The following ZBED1 variants were observed in gnomAD, a reference collection of about 807,000 sequenced individuals.
ZBED1 encodes E3 SUMO-protein ligase ZBED1.
A neutral mutation model predicts 49.7 loss-of-function variants in ZBED1; 19 were observed. The observed-to-expected ratio is 0.38, with a 90% CI of 0.27 to 0.56. The LOEUF (loss-of-function observed/expected upper bound fraction) is 0.56, where lower values mean the gene tolerates loss of function less well. Among genes scored for constraint, ZBED1 ranks in the 20% least tolerant of loss-of-function variants. The pLI is 0.70. For synonymous variants in ZBED1, 439 were observed against 440.3 expected (o/e 1.00, Z 0.04); for missense variants, 806 against 972.6 (o/e 0.83, Z 2.28).
In ZBED1 at chrX:2,500,920, C is replaced by A. The variant is rs779491299; in HGVS notation, c.-157G>T. On this transcript the variant is annotated 5_prime_UTR_variant, in exon 1 of 2. Transcript: ENST00000652001. ...GGGCCGCCCGCGCCGCAGACAATGG[C>A]GACATGGCTGCCCCGGCCGCGCCGC... The A allele has an allele frequency of 1.8e-6, 2 of 1,092,146 alleles. 1 individual carries two copies. The highest frequency in any genetic ancestry group is 7.9e-5 in the South Asian group (2 of 25,242). 67.7% of individuals were successfully genotyped at this position (1,092,146 alleles called of 1,614,324 possible).
At chrX:2,497,293 T>C (rs2045309192) in intron 1 of ZBED1, among the ~76,000 whole-genome samples, 1 of 152,122 alleles carries the variant, frequency 6.6e-6, no homozygotes, top group Admixed American at 6.6e-5. Flanking sequence ...CTCGGGAGGC[T>C]GAGGCAGGAG....
At position 2,488,924 on chromosome X, in the gene ZBED1, G is replaced by A; in HGVS notation, c.1796C>T (p.Pro599Leu). Residue 599 changes from proline to leucine, a missense_variant, in exon 2 of 2, where the codon CCC becomes CTC. Pro to Leu is a moderately conservative substitution (Grantham distance 98). This residue lies in a region of ZBED1 where 749 missense variants were observed against 861.3 expected (regional missense o/e 0.87). Coordinates refer to ENST00000652001, the MANE Select transcript of ZBED1 (RefSeq NM_001171136.2). ...CTTCTGCAGCACCTTGGGCAGCAGG[G>A]GGAAGAGGGCCAGGCGGTCTGACCA... Reference protein sequence around the residue: ...KWWSDRLALFPLLPKVLQKYW... With the variant: ...KWWSDRLALFLLLPKVLQKYW... The A allele has an allele frequency of 1.9e-6, 3 of 1,602,186 alleles. No homozygotes were observed. Among genetic ancestry groups the A allele is most frequent in the Middle Eastern group, 1.7e-4 (1 of 5,950 alleles).
chrX:2,489,204 C>A lies in ZBED1; in HGVS notation c.1516G>T (p.Asp506Tyr). 6.2e-7 allele frequency: 1 copy of A among 1,613,828 alleles called. No individual in the cohort carries two copies. The highest frequency in any genetic ancestry group is 8.5e-7 in the Non-Finnish European group (1 of 1,179,876). The change falls in exon 2 of 2, where the codon GAC (aspartate) becomes TAC (tyrosine). Residue 506 changes from aspartate (D) to tyrosine (Y), a missense_variant. Asp to Tyr is a radical substitution (Grantham distance 160). Around this residue, in one of 2 missense-constraint regions of ZBED1, gnomAD observed 749 missense variants for 861.3 expected, o/e 0.87. Coordinates refer to ENST00000652001, the MANE Select transcript of ZBED1 (RefSeq NM_001171136.2). ...CGGTAGCCGCCGTCTTTGACCTTGT[C>A]CAGCAGGCCCTTGGCCTCTTCCACC... ...RVVEEAKGLL[D>Y]KVKDGGYRPA...
Position 2,490,412 on chromosome X carries a change from T to G in ZBED1, c.308A>C (p.Gln103Pro). 1.2e-6 allele frequency: 2 copies of G among 1,613,952 alleles called. No individual in the cohort carries two copies. Among genetic ancestry groups the G allele is most frequent in the Admixed American group, 1.7e-5 (1 of 60,026 alleles). Residue 103 changes from glutamine to proline, a missense_variant, in exon 2 of 2, where the codon CAG (glutamine) becomes CCG (proline). Transcript: ENST00000652001. ...AFSKLKPESS[Q>P]QPGQDALAVK... ...GGCCAGCGCGTCCTGCCCGGGCTGC[T>G]GGGACGACTCGGGCTTCAGCTTGGA... is the stretch of plus-strand genomic sequence containing the variant.
chrX:2,490,706 C>G lies in ZBED1; in HGVS notation c.14G>C (p.Ser5Thr), dbSNP rs1271273641. Residue 5 changes from serine to threonine, a missense_variant, in exon 2 of 2, where the codon AGC becomes ACC. Physicochemically the swap from Ser to Thr is moderately conservative, Grantham distance 58 (BLOSUM62 1). Coordinates refer to ENST00000652001, the MANE Select transcript of ZBED1 (RefSeq NM_001171136.2). Reference sequence around the variant, plus strand: ...CAGGTCTGTCTGGGAGCTCTCCAGGCTTTTATTCTCCATTGCTTCTCCACC... The same window carrying G: ...CAGGTCTGTCTGGGAGCTCTCCAGGGTTTTATTCTCCATTGCTTCTCCACC... The part of the protein sequence containing the change: MENK[S>T]LESSQTDLKL... 2 of 1,613,112 alleles carry G rather than the reference C, an allele frequency of 1.2e-6. No homozygotes were observed. The highest frequency in any genetic ancestry group is 1.7e-6 in the Non-Finnish European group (2 of 1,179,388).
chrX:2,500,790 C>A, intron 1 of ZBED1, 27 bp downstream of exon 1: 1 of 1,079,464 alleles, frequency 9.3e-7, no homozygotes, highest in Non-Finnish European at 1.1e-6. Context: ...GTCCCCGGAG[C>A]CCTGACCCCT....
At chrX:2,490,971 C>T (rs763304705) in intron 1 of ZBED1, among the ~76,000 whole-genome samples, 199 bp from the exon 2 acceptor site, 1 of 152,034 alleles carries the variant, frequency 6.6e-6, no homozygotes, top group South Asian at 2.1e-4. Context: ...CTTTCTTCCA[C>T]GTTAATCCGA....
In ZBED1 at chrX:2,487,070, A is replaced by C. The variant is rs2044958471; in HGVS notation, c.*1565T>G. ...CACGTAGAATCCAAGCAATATGCTA[A>C]GCCTCCTGAAGTATTTTTCCTCCAG... On this transcript the variant is annotated 3_prime_UTR_variant, in exon 2 of 2. Coordinates refer to ENST00000652001, the MANE Select transcript of ZBED1 (RefSeq NM_001171136.2). 6.6e-6 allele frequency: 1 copy of C among 152,224 alleles called. No individual in the cohort carries two copies. Among genetic ancestry groups the C allele is most frequent in the South Asian group, 2.1e-4 (1 of 4,832 alleles). 9.4% of individuals were successfully genotyped at this position (152,224 alleles called of 1,614,324 possible).
chrX:2,489,901 C>T lies in ZBED1; in HGVS notation c.819G>A (p.Lys273=), dbSNP rs1242721063. The change falls in exon 2 of 2, where the codon AAG becomes AAA. Residue 273 remains lysine, a synonymous_variant. Coordinates refer to ENST00000652001, the MANE Select transcript of ZBED1 (RefSeq NM_001171136.2). ...GCAGGGAGCACGCCTTCACGATGTC[C>T]TTGCCATAGTTGGTGGTGGCCCCGA... ...KVFGATTNYG[K]DIVKACSLLD... is the part of the protein sequence containing the mutation. 3 of 1,613,888 alleles carry T rather than the reference C, an allele frequency of 1.9e-6. No individual in the cohort carries two copies. Among genetic ancestry groups the T allele is most frequent in the African/African-American group, 1.3e-5 (1 of 75,064 alleles).
At position 2,488,692 on chromosome X, in the gene ZBED1, G is replaced by A. The variant is rs146707840; in HGVS notation, c.2028C>T (p.Ser676=). ...AACCGCCGCTGACGCCATCCCCCAA[G>A]GAGAACACCTGCTCCTGGTCCAGGC... ...EWGLDQEQVF[S]LGDGVSGGFF... The change falls in exon 2 of 2, where the codon TCC becomes TCT. Residue 676 remains serine (S), a synonymous_variant. Transcript: ENST00000652001. The A allele has an allele frequency of 2.0e-5, 33 of 1,613,554 alleles. No individual in the cohort carries two copies. The highest frequency in any genetic ancestry group is 6.6e-5 in the South Asian group (6 of 91,064).
intron 1 of ZBED1, 53 bp downstream of exon 1, chrX:2,500,748 CCCCGCCCCCGAGCCAG>C: frequency 1.3e-6 from 1 of 781,376 alleles, no homozygotes; most frequent in Non-Finnish European, 1.6e-6. Context: ...GCCCCCGCGC[CCCCGCCCCCGAGCCAG>C]CCCGCGCCCA....
intron 1 of ZBED1, among the ~76,000 whole-genome samples, chrX:2,492,771 C>G (rs1053782138): frequency 1.3e-5 from 2 of 152,352 alleles, no homozygotes; most frequent in Non-Finnish European, 1.5e-5. Flanking sequence ...CCGCGTAAGC[C>G]TCCGGAGGGA....
rs1289586605 is a variant in ZBED1 at position 2,490,130 on chromosome X, G to A, written c.590C>T (p.Ser197Phe). 6.2e-7 allele frequency: 1 copy of A among 1,613,794 alleles called. No individual in the cohort carries two copies. The highest frequency in any genetic ancestry group is 8.5e-7 in the Non-Finnish European group (1 of 1,179,870). Residue 197 changes from serine to phenylalanine, a missense_variant, in exon 2 of 2, where the codon TCC becomes TTC. By Grantham distance (155) the Ser-to-Phe change is radical (BLOSUM62 -2). Transcript: ENST00000652001. ...ELAEATWCGI[S>F]TDMWRSENQN... ...ATTCTCACTCCTCCACATGTCGGTG[G>A]AGATGCCACACCAGGTGGCCTCGGC...
chrX:2,493,336 T>A (rs989300131), intron 1 of ZBED1, among the ~76,000 whole-genome samples: 12 of 152,136 alleles, frequency 7.9e-5, no homozygotes, highest in Admixed American at 7.2e-4. Context: ...ATCATCATAT[T>A]ATTATTTGGC....
At position 2,489,086 on chromosome X, in the gene ZBED1, TTGA is replaced by T; in HGVS notation, c.1631_1633del (p.Ile544del). On this transcript the variant is annotated inframe_deletion, in exon 2 of 2. Coordinates refer to ENST00000652001, the MANE Select transcript of ZBED1 (RefSeq NM_001171136.2). ...GCAGAAGATCTCGGCCAGCATGTTG[TTGA>T]TGACGCTGGCGGGCGGCGGCGTGGA... 1 of 1,613,864 alleles carries T rather than the reference TTGA, an allele frequency of 6.2e-7. No homozygotes were observed. The highest frequency in any genetic ancestry group is 1.7e-4 in the Middle Eastern group (1 of 5,992).
At chrX:2,495,357 AT>A (rs2045256534) in intron 1 of ZBED1, among the ~76,000 whole-genome samples, 1 of 151,860 alleles carries the variant, frequency 6.6e-6, no homozygotes, top group Non-Finnish European at 1.5e-5. Context: ...ATATTCTATT[AT>A]TATTAATATT....
chrX:2,492,919 G>A (rs1397175192), intron 1 of ZBED1, among the ~76,000 whole-genome samples: 1 of 152,246 alleles, frequency 6.6e-6, no homozygotes, highest in African/African-American at 2.4e-5. Flanking sequence ...CCGAAATAAT[G>A]AGTGGAGGTC....
rs1258580434 is a variant in ZBED1 at position 2,490,034 on chromosome X, C to T, written c.686G>A (p.Gly229Asp). The change falls in exon 2 of 2, where the codon GGC becomes GAC. Residue 229 changes from glycine to aspartate, a missense_variant. Physicochemically the swap from Gly to Asp is moderately conservative, Grantham distance 94. Transcript: ENST00000652001. ...GLGAPNCLSMGSRCLKTFEVP... is the reference protein window; with the variant it reads ...GLGAPNCLSMDSRCLKTFEVP... ...CTCGAAGGTCTTCAGGCAGCGGGAG[C>T]CCATGGACAGGCAGTTGGGGGCGCC... 6.2e-7 allele frequency: 1 copy of T among 1,613,820 alleles called. No homozygotes were observed. Among genetic ancestry groups the T allele is most frequent in the South Asian group, 1.1e-5 (1 of 91,078 alleles).
rs1238028540 is a variant in ZBED1, at chrX:2,488,778, A to C, written c.1942T>G (p.Tyr648Asp). The change falls in exon 2 of 2, where the codon TAT (tyrosine) becomes GAT (aspartate). Residue 648 changes from tyrosine to aspartate, a missense_variant. This residue lies in a region of ZBED1 where 749 missense variants were observed against 861.3 expected (regional missense o/e 0.87). Coordinates refer to ENST00000652001, the MANE Select transcript of ZBED1 (RefSeq NM_001171136.2). Reference sequence around the variant, plus strand: ...TCTGCCCCACTCCGGGCGTTCTCATACAGAAACACCTGCTCGTCCACGTGC... The same window carrying C: ...TCTGCCCCACTCCGGGCGTTCTCATCCAGAAACACCTGCTCGTCCACGTGC... ...PAHVDEQVFLYENARSGAEAE... is the reference protein window; with the variant it reads ...PAHVDEQVFLDENARSGAEAE... 6.2e-7 allele frequency: 1 copy of C among 1,613,752 alleles called. No individual in the cohort carries two copies. The highest frequency in any genetic ancestry group is 2.2e-5 in the East Asian group (1 of 44,878).
Sources: allele counts gnomAD v4.1 joint callset (sites outside exome capture counted in the v4.1 genomes callset), GRCh38; gene constraint gnomAD v4.1.1; regional missense constraint gnomAD v4.1.1; transcripts MANE v1.5; gene names NCBI Gene and HGNC (gene_info 2026-07-23, HGNC 2026-07-21).